Variants in STRADA observed in about 807,000 individuals in gnomAD.
The protein encoded by STRADA is STE20 related adaptor alpha, also known as STE20-related kinase adapter protein alpha.
Under a neutral mutation model 55.0 loss-of-function variants are expected in STRADA, and 26 were observed. That is an observed-to-expected ratio of 0.47 (90% CI 0.35 to 0.66). STRADA has a LOEUF of 0.66. Among genes scored for constraint, STRADA ranks in the 30% least tolerant of loss-of-function variants. The pLI is 0.01. For synonymous variants in STRADA, 197 were observed against 210.9 expected, an observed-to-expected ratio of 0.93 and a Z score of 0.57; for missense variants, 443 against 549.7, an observed-to-expected ratio of 0.81 and a Z score of 1.94.
rs538346222 is a variant in STRADA at position 63,703,235 on chromosome 17, A to G, written c.*364T>C. 10 of 203,120 alleles carry G rather than the reference A, an allele frequency of 4.9e-5. No homozygotes were observed. In the South Asian group the frequency reaches 8.5e-4, roughly 17 times the overall value. The allele number at this position is 203,120 out of a possible 1,614,324, so 12.6% of individuals were successfully genotyped here. A position where few individuals can be genotyped will look rare whatever the true frequency, so the allele number is the denominator to read the frequency against. The stretch of plus-strand genomic sequence containing the variant: ...AAATAGAATGAGGCTGGTCGCAAGC[A>G]CTGGGAAGAGGTGGCGGTCCTCGGG... On this transcript the variant is annotated 3_prime_UTR_variant, in exon 13 of 13. Transcript: ENST00000336174.
chr17:63,731,438 A>AT (rs1009257194), intron 1 of STRADA, among the ~76,000 whole-genome samples: 1 of 143,154 alleles, frequency 7.0e-6, no homozygotes, highest in Non-Finnish European at 1.5e-5. Flanking sequence ...AATTTTTTGT[A>AT]TTTTTTTAGT....
intron 1 of STRADA, among the ~76,000 whole-genome samples, chr17:63,740,117 C>A (rs8070857): frequency 1.9e-5 from 1 of 53,650 alleles, no homozygotes; most frequent in Non-Finnish European, 3.2e-5. Flanking sequence ...TACATACATA[C>A]ATATATATAT....
At chr17:63,740,232 C>T (rs572637792) in intron 1 of STRADA, among the ~76,000 whole-genome samples, 4 of 149,812 alleles carry the variant, frequency 2.7e-5, no homozygotes, top group African/African-American at 4.9e-5. Flanking sequence ...CTTTATTGGC[C>T]GGGCGCGGTG....
intron 1 of STRADA, among the ~76,000 whole-genome samples, chr17:63,735,652 A>T (rs1206678970): frequency 6.6e-6 from 1 of 152,234 alleles, no homozygotes; most frequent in Non-Finnish European, 1.5e-5. Context: ...ACAGAATGAG[A>T]GGAGCTATTA....
intron 1 of STRADA, 87 bp from the exon 2 acceptor site, chr17:63,728,500 T>A (rs2037803355): frequency 1.5e-6 from 1 of 686,180 alleles, no homozygotes. Context: ...ATTACAGGTC[T>A]ACCATTCAAA....
intron 3 of STRADA, 54 bp downstream of exon 3, chr17:63,726,584 A>G: frequency 6.4e-7 from 1 of 1,569,740 alleles, no homozygotes; most frequent in Admixed American, 1.8e-5. Flanking sequence ...AGTCAACAAA[A>G]AAGTAGTGAT....
chr17:63,720,696 CCCGG>C (rs1343564114), intron 4 of STRADA, among the ~76,000 whole-genome samples: 3 of 151,090 alleles, frequency 2.0e-5, no homozygotes, highest in Admixed American at 2.0e-4. Context: ...ATGCCGTGAA[CCCGG>C]GGAGGCAGAG....
chr17:63,704,271 C>A (rs2035916755), intron 11 of STRADA, 70 bp downstream of exon 11: 1 of 1,590,672 alleles, frequency 6.3e-7, no homozygotes, highest in East Asian at 2.3e-5. Context: ...TAAGTCCCTT[C>A]ACACCCTGGC....
chr17:63,713,588 T>G, intron 5 of STRADA, 61 bp from the exon 6 acceptor site: 3 of 1,580,652 alleles, frequency 1.9e-6, no homozygotes, highest in Non-Finnish European at 2.6e-6. Context: ...TTAAGAAAAT[T>G]TTCCTTTAAA....
intron 11 of STRADA, 122 bp downstream of exon 11, chr17:63,704,209 GCTGATCCCTC>G: frequency 6.5e-7 from 1 of 1,529,592 alleles, no homozygotes; most frequent in South Asian, 1.2e-5. Context: ...ACACCCAGGA[GCTGATCCCTC>G]CTGTGTGTAG....
Position 63,713,537 on chromosome 17 carries a change from A to G in STRADA, c.227-10T>C. On this transcript the variant is annotated splice_polypyrimidine_tract_variant and intron_variant, in intron 5 of 12. Transcript: ENST00000336174. The stretch of plus-strand genomic sequence containing the variant: ...TCCTCAAATCCTTTGCCTAAAAGAA[A>G]AAGGGAATGCCATACGCAAGGACAA... The G allele has an allele frequency of 6.2e-7, 1 of 1,612,988 alleles. No homozygotes were observed.
At chr17:63,713,948 A>T in intron 5 of STRADA, 58 bp downstream of exon 5, 1 of 1,400,868 alleles carries the variant, frequency 7.1e-7, no homozygotes, top group Non-Finnish European at 1.0e-6. Flanking sequence ...GCTGCTGAGA[A>T]AGCTGCAGCA....
chr17:63,735,023 C>T (rs866728460), intron 1 of STRADA, among the ~76,000 whole-genome samples: 30 of 152,130 alleles, frequency 2.0e-4, no homozygotes, highest in Non-Finnish European at 3.1e-4. Flanking sequence ...GGCATGGTGG[C>T]GGGCACCTGT....
chr17:63,715,670 A>G (rs974853363), intron 4 of STRADA: 2 of 152,180 alleles, frequency 1.3e-5, no homozygotes, highest in Admixed American at 1.3e-4. Flanking sequence ...GAAACCCTCA[A>G]GTGGGCTCTG....
intron 9 of STRADA, 105 bp from the exon 10 acceptor site, chr17:63,706,844 C>G (rs998140123): frequency 1.2e-6 from 1 of 838,406 alleles, no homozygotes; most frequent in Non-Finnish European, 2.0e-6. Context: ...ACATCAGGAC[C>G]TGCTGCTAAT....
rs1171182845 is a variant in STRADA at position 63,703,613 on chromosome 17, C to T, written c.1282G>A (p.Asp428Asn). The part of the protein sequence containing the change: ...VTNLEELEVD[D>N]WEF ...TTTGCAGAGGCTCAGAACTCCCAAT[C>T]GTCCACCTCCAGCTCTTCCAGGTTT... The change falls in exon 13 of 13, where the codon GAT (aspartate) becomes AAT (asparagine). Residue 428 changes from aspartate to asparagine, a missense_variant. Transcript: ENST00000336174. 8 of 1,613,924 alleles carry T rather than the reference C, an allele frequency of 5.0e-6. No homozygotes were observed. The highest frequency in any genetic ancestry group is 3.3e-5 in the South Asian group (3 of 91,040).
chr17:63,739,919 A>G (rs2038764791), intron 1 of STRADA, among the ~76,000 whole-genome samples: 1 of 147,346 alleles, frequency 6.8e-6, no homozygotes, highest in Non-Finnish European at 1.5e-5. Context: ...AATCGGTGGC[A>G]GAGCGAGGAG....
intron 4 of STRADA, among the ~76,000 whole-genome samples, chr17:63,718,054 C>T (rs1331351879): frequency 6.6e-6 from 1 of 152,154 alleles, no homozygotes; most frequent in Non-Finnish European, 1.5e-5. Flanking sequence ...TCTCAAGTGG[C>T]TAAGACTACA....
chr17:63,703,895 G>A lies in STRADA; in HGVS notation c.1143+110C>T, dbSNP rs550208750. On this transcript the variant is annotated intron_variant, in intron 12 of 12. Transcript: ENST00000336174. ...AGGAGCAGTGTCTTTCAGGGGCTTC[G>A]GAAGCGGGGTAGTTTCTCTCATTCA... is the stretch of plus-strand genomic sequence containing the variant. 6.8e-4 allele frequency: 1,094 copies of A among 1,607,536 alleles called. 9 individuals are homozygous for A. In the African/African-American group the frequency reaches 0.012, roughly 17 times the overall value.
Sources: gnomAD v4.1 joint callset for allele counts (sites outside exome capture counted in the v4.1 genomes callset) on GRCh38, gnomAD v4.1.1 for gene constraint, MANE v1.5 for transcripts, NCBI Gene and HGNC (gene_info 2026-07-23, HGNC 2026-07-21) for gene names.